The following PRG4 variants were observed in gnomAD, a reference collection of about 807,000 sequenced individuals.
The protein encoded by PRG4 is proteoglycan 4, also known as articular superficial zone protein.
In PRG4, 61 loss-of-function variants were observed where a neutral mutation model predicts 91.2. The observed-to-expected ratio is 0.67, with a 90% confidence interval of 0.54 to 0.83. PRG4 has a LOEUF of 0.83. PRG4 is among the 40% of genes least tolerant of loss of function. The probability of loss-of-function intolerance (pLI) is 0.00; values close to 1 mark genes in which losing one functional copy is unlikely to be tolerated. For synonymous variants in PRG4, 576 were observed against 614.2 expected, an observed-to-expected ratio of 0.94 and a Z score of 0.92; for missense variants, 1,564 against 1,714.2, an observed-to-expected ratio of 0.91 and a Z score of 1.55.
rs762328095 is a variant in PRG4 at position 186,301,650 on chromosome 1, C to T, written c.258C>T (p.Cys86=). 2.1e-5 allele frequency: 34 copies of T among 1,613,544 alleles called. No homozygotes were observed. The highest frequency in any genetic ancestry group is 5.5e-5 in the South Asian group (5 of 91,062). Residue 86 remains cysteine (C), a synonymous_variant, in exon 4 of 13, where the codon TGC becomes TGT. Transcript: ENST00000445192. ...ESFERGRECD[C]DAQCKKYDKC... Reference sequence around the variant, plus strand: ...TCGAGAGAGGGAGGGAGTGTGACTGCGACGCCCAATGTAAGAAGTATGACA... The same window carrying T: ...TCGAGAGAGGGAGGGAGTGTGACTGTGACGCCCAATGTAAGAAGTATGACA...
chr1:186,313,548 T>A, intron 12 of PRG4, 133 bp from the exon 13 acceptor site: 1 of 620,236 alleles, frequency 1.6e-6, no homozygotes. Flanking sequence ...GTTATAAAGT[T>A]CAAATTAATT....
At chr1:186,313,022 C>A in intron 12 of PRG4, 128 bp downstream of exon 12, 3 of 1,036,464 alleles carry the variant, frequency 2.9e-6, no homozygotes, top group Non-Finnish European at 4.4e-6. Flanking sequence ...ATTCTAATTG[C>A]TGTGGAAAAG....
chr1:186,305,563 A>AT, intron 6 of PRG4, among the ~76,000 whole-genome samples: 1 of 152,246 alleles, frequency 6.6e-6, no homozygotes, highest in Admixed American at 6.5e-5. Flanking sequence ...GGATTTTTGG[A>AT]TAAGGGAGTT....
Position 186,313,867 on chromosome 1 carries a change from A to G in PRG4, c.*89A>G. ...CATTTTATTAATAAAGAATATTGAC[A>G]TGAGTATACCAGTTTATATATAAAA... On this transcript the variant is annotated 3_prime_UTR_variant, in exon 13 of 13. Transcript: ENST00000445192. 2 of 1,459,346 alleles carry G rather than the reference A, an allele frequency of 1.4e-6. No homozygotes were observed. The highest frequency in any genetic ancestry group is 3.4e-5 in the Admixed American group (2 of 59,638). The allele number at this position is 1,459,346 out of a possible 1,614,324, so 90.4% of individuals were successfully genotyped here.
chr1:186,309,737 A>T, intron 7 of PRG4, 56 bp from the exon 8 acceptor site: 5 of 1,282,220 alleles, frequency 3.9e-6, no homozygotes, highest in Non-Finnish European at 4.6e-6. Flanking sequence ...TGAAAAGAAC[A>T]TACAGACTTT....
chr1:186,297,202 C>T (rs980377449), intron 2 of PRG4, among the ~76,000 whole-genome samples: 1 of 151,896 alleles, frequency 6.6e-6, no homozygotes, highest in Non-Finnish European at 1.5e-5. Context: ...ATGGTTCTCT[C>T]GAAAGTTTAA....
chr1:186,301,152 T>A (rs1656190867), intron 3 of PRG4, among the ~76,000 whole-genome samples: 1 of 152,156 alleles, frequency 6.6e-6, no homozygotes, highest in Non-Finnish European at 1.5e-5. Context: ...CCCATTTACG[T>A]GGAATATATA....
chr1:186,308,600 A>T lies in PRG4; in HGVS notation c.2881A>T (p.Thr961Ser). 6.2e-7 allele frequency: 1 copy of T among 1,613,588 alleles called. No homozygotes were observed. The highest frequency in any genetic ancestry group is 8.5e-7 in the Non-Finnish European group (1 of 1,180,008). Residue 961 changes from threonine (T) to serine (S), a missense_variant, in exon 7 of 13, where the codon ACA becomes TCA. Transcript: ENST00000445192. ...SKITATTTQVTSTTTQDTTPF... is the reference protein window; with the variant it reads ...SKITATTTQVSSTTTQDTTPF... ...AATAACAGCTACAACCACACAAGTAACATCTACCACAACTCAAGATACCAC... is the reference window on the plus strand; with the variant it reads ...AATAACAGCTACAACCACACAAGTATCATCTACCACAACTCAAGATACCAC...
intron 2 of PRG4, among the ~76,000 whole-genome samples, chr1:186,298,932 C>T (rs1656025227): frequency 2.0e-5 from 3 of 151,998 alleles, no homozygotes; most frequent in Admixed American, 2.0e-4. Context: ...GCATTATGCA[C>T]TCATGTACGC....
At chr1:186,298,906 A>G (rs936205454) in intron 2 of PRG4, among the ~76,000 whole-genome samples, 3 of 152,062 alleles carry the variant, frequency 2.0e-5, no homozygotes, top group Non-Finnish European at 2.9e-5. Context: ...CATACACTAT[A>G]TATACATTTT....
At position 186,300,140 on chromosome 1, in the gene PRG4, C is replaced by T. The variant is rs1351914938; in HGVS notation, c.126C>T (p.Ala42=). 1.2e-6 allele frequency: 2 copies of T among 1,613,706 alleles called. No homozygotes were observed. Among genetic ancestry groups the T allele is most frequent in the African/African-American group, 2.7e-5 (2 of 74,894 alleles). The change falls in exon 3 of 13, where the codon GCC becomes GCT. Residue 42 remains alanine, a synonymous_variant. Transcript: ENST00000445192. Reference sequence around the variant, plus strand: ...GTGGGGAAGGGTATTCTAGAGATGCCACCTGCAACTGTGATTATAACTGTC... The same window carrying T: ...GTGGGGAAGGGTATTCTAGAGATGCTACCTGCAACTGTGATTATAACTGTC... ...GRCGEGYSRD[A]TCNCDYNCQH...
At chr1:186,310,135 T>TGG (rs33985418) in intron 8 of PRG4, among the ~76,000 whole-genome samples, 8,203 of 85,480 alleles carry the variant, frequency 0.096, 514 homozygotes, top group Non-Finnish European at 0.14. Context: ...TCATTTTTTT[T>TGG]GGGGGGGGGG....
chr1:186,304,089 T>C lies in PRG4; in HGVS notation c.320-19T>C. 1 of 1,613,482 alleles carries C rather than the reference T, an allele frequency of 6.2e-7. No homozygotes were observed. The highest frequency in any genetic ancestry group is 1.6e-4 in the Middle Eastern group (1 of 6,062). On this transcript the variant is annotated intron_variant, in intron 4 of 12. Coordinates refer to ENST00000445192, the MANE Select transcript of PRG4 (RefSeq NM_005807.6). ...GAACATAAACAAGATGTTAACTGAC[T>C]TGTCTTACTTGGCCTCAGTGCATAA...
chr1:186,301,629 G>A lies in PRG4; in HGVS notation c.237G>A (p.Glu79=). Residue 79 remains glutamate (E), a synonymous_variant, in exon 4 of 13, where the codon GAG becomes GAA. Coordinates refer to ENST00000445192, the MANE Select transcript of PRG4 (RefSeq NM_005807.6). ...AAGGCCGCTGCTTTGAGTCCTTCGAGAGAGGGAGGGAGTGTGACTGCGACG... is the reference window on the plus strand; with the variant it reads ...AAGGCCGCTGCTTTGAGTCCTTCGAAAGAGGGAGGGAGTGTGACTGCGACG... ...SCKGRCFESF[E]RGRECDCDAQ... 1.9e-6 allele frequency: 3 copies of A among 1,613,938 alleles called. No homozygotes were observed. The highest frequency in any genetic ancestry group is 4.5e-5 in the East Asian group (2 of 44,878).
In PRG4 at chr1:186,307,328, C is replaced by A; in HGVS notation, c.1609C>A (p.Pro537Thr). ...TKSAPTTTKE[P>T]APTTTKSAPT... is the part of the protein sequence containing the mutation. ...GTCTGCACCCACCACTACCAAGGAG[C>A]CTGCACCCACCACTACCAAGTCTGC... Residue 537 changes from proline to threonine, a missense_variant, in exon 7 of 13, where the codon CCT becomes ACT. Around this residue, in one of 3 missense-constraint regions of PRG4, gnomAD observed 1,079 missense variants for 1,162.2 expected, o/e 0.93. Coordinates refer to ENST00000445192, the MANE Select transcript of PRG4 (RefSeq NM_005807.6). The A allele has an allele frequency of 1.3e-6, 2 of 1,581,052 alleles. No individual in the cohort carries two copies. Among genetic ancestry groups the A allele is most frequent in the Non-Finnish European group, 1.7e-6 (2 of 1,165,022 alleles).
chr1:186,310,943 C>T lies in PRG4; in HGVS notation c.3500-91C>T, dbSNP rs188546388. ...TGACTAAACTTCCAGTCATACAATG[C>T]ATAAGAAAACTACATTTTTTTTCAT... On this transcript the variant is annotated intron_variant, in intron 8 of 12. Coordinates refer to ENST00000445192, the MANE Select transcript of PRG4 (RefSeq NM_005807.6). 163 of 1,408,694 alleles carry T rather than the reference C, an allele frequency of 1.2e-4. 2 individuals are homozygous for T. The African/African-American group carries it at 2.0e-3, about 17-fold the overall frequency. 87.3% of individuals were successfully genotyped at this position (1,408,694 alleles called of 1,614,324 possible).
At position 186,306,398 on chromosome 1, in the gene PRG4, G is replaced by A; in HGVS notation, c.679G>A (p.Asp227Asn). 6.2e-7 allele frequency: 1 copy of A among 1,613,192 alleles called. No individual in the cohort carries two copies. Among genetic ancestry groups the A allele is most frequent in the East Asian group, 2.2e-5 (1 of 44,840 alleles). The change falls in exon 7 of 13, where the codon GAC (aspartate) becomes AAC (asparagine). Residue 227 changes from aspartate to asparagine, a missense_variant. Around this residue, in one of 3 missense-constraint regions of PRG4, gnomAD observed 437 missense variants for 459.0 expected, o/e 0.95. Coordinates refer to ENST00000445192, the MANE Select transcript of PRG4 (RefSeq NM_005807.6). ...TGTAGATGAAGCTGGAAGTGGATTG[G>A]ACAATGGTGACTTCAAGGTCACAAC... ...PVVDEAGSGL[D>N]NGDFKVTTPD...
In PRG4 at chr1:186,307,197, C is replaced by G. The variant is rs1656688936; in HGVS notation, c.1478C>G (p.Thr493Ser). ...ACTGCCCCCAAGAAGCCTGCCCCAA[C>G]TACCCCCAAGGAGCCTGCACCCACC... Reference protein sequence around the residue: ...APTAPKKPAPTTPKEPAPTTP... With the variant: ...APTAPKKPAPSTPKEPAPTTP... The change falls in exon 7 of 13, where the codon ACT becomes AGT. Residue 493 changes from threonine to serine, a missense_variant. Physicochemically the swap from Thr to Ser is moderately conservative, Grantham distance 58. This residue lies in a region of PRG4 where 1,079 missense variants were observed against 1,162.2 expected (regional missense o/e 0.93). Coordinates refer to ENST00000445192, the MANE Select transcript of PRG4 (RefSeq NM_005807.6). The G allele has an allele frequency of 5.0e-6, 8 of 1,596,044 alleles. No individual in the cohort carries two copies. The highest frequency in any genetic ancestry group is 6.8e-6 in the Non-Finnish European group (8 of 1,173,292).
At position 186,304,163 on chromosome 1, in the gene PRG4, A is replaced by C. The variant is rs761634179; in HGVS notation, c.375A>C (p.Ala125=). Residue 125 remains alanine (A), a synonymous_variant, in exon 5 of 13, where the codon GCA becomes GCC. Transcript: ENST00000445192. The stretch of plus-strand genomic sequence containing the variant: ...AGAAAGCACCTCCACCTTCAGGAGC[A>C]TCTCAAACCATCAAATCAACAACCA... ...SSKKAPPPSG[A]SQTIKSTTKR... 6.2e-7 allele frequency: 1 copy of C among 1,614,038 alleles called. No individual in the cohort carries two copies. The highest frequency in any genetic ancestry group is 8.5e-7 in the Non-Finnish European group (1 of 1,179,850).
Sources: gnomAD v4.1 joint callset for allele counts (sites outside exome capture counted in the v4.1 genomes callset) on GRCh38, gnomAD v4.1.1 for gene constraint, gnomAD v4.1.1 regional missense constraint, MANE v1.5 for transcripts, NCBI Gene and HGNC (gene_info 2026-07-23, HGNC 2026-07-21) for gene names.